Variants in CNBD1 observed in about 807,000 individuals in gnomAD.
CNBD1 encodes cyclic nucleotide-binding domain-containing protein 1.
CNBD1 carries 71 observed loss-of-function variants against 54.4 expected under a neutral mutation model. The ratio of observed to expected loss-of-function variants is 1.30; its 90% confidence interval spans 1.08 to 1.59. The LOEUF is 1.59. Among genes scored for constraint, CNBD1 ranks in the 40% most tolerant of loss-of-function variants. The probability of loss-of-function intolerance (pLI) is 0.00; values close to 1 mark genes in which losing one functional copy is unlikely to be tolerated. For synonymous variants in CNBD1, 182 were observed against 170.7 expected, an observed-to-expected ratio of 1.07 and a Z score of -0.51; for missense variants, 659 against 518.0, an observed-to-expected ratio of 1.27 and a Z score of -2.64.
intron 6 of CNBD1, among the ~76,000 whole-genome samples, chr8:87,279,541 G>T (rs1223210495): frequency 6.6e-6 from 1 of 151,290 alleles, no homozygotes; most frequent in Non-Finnish European, 1.5e-5. Flanking sequence ...AGATAAACCA[G>T]ATTATACTAA....
chr8:86,958,521 G>T (rs928242342), intron 4 of CNBD1, among the ~76,000 whole-genome samples: 4 of 152,192 alleles, frequency 2.6e-5, no homozygotes, highest in African/African-American at 9.7e-5. Context: ...CCTGTATTGG[G>T]TGCATATATA....
intron 10 of CNBD1, among the ~76,000 whole-genome samples, chr8:87,364,350 G>A (rs1038912092): frequency 6.6e-6 from 1 of 151,714 alleles, no homozygotes; most frequent in Non-Finnish European, 1.5e-5. Context: ...CTTTGTAAAT[G>A]TTTGTTTATT....
chr8:87,413,074 A>T (rs910114526), intron 2 of CNBD1, among the ~76,000 whole-genome samples: 2 of 151,952 alleles, frequency 1.3e-5, no homozygotes, highest in East Asian at 3.9e-4. Context: ...TTAGGGGCTC[A>T]CAAGGGGCTC....
At chr8:87,223,792 T>A (rs1309604101) in intron 5 of CNBD1, among the ~76,000 whole-genome samples, 1 of 152,054 alleles carries the variant, frequency 6.6e-6, no homozygotes, top group Non-Finnish European at 1.5e-5. Flanking sequence ...GTATTTCCAG[T>A]TCTAGATCCC....
At chr8:87,426,305 G>T (rs1281579708) in intron 2 of CNBD1, among the ~76,000 whole-genome samples, 1 of 152,194 alleles carries the variant, frequency 6.6e-6, no homozygotes, top group African/African-American at 2.4e-5. Context: ...GGGAGCTGTA[G>T]ACCGGAGCTG....
rs1019955902 is a variant in CNBD1, at chr8:87,163,725, T to C, written c.432-42268T>C. Reference sequence around the variant, plus strand: ...AGTTTTTTTGTTGGCGTCTTTAGGGTTTTTTTTAAATATAAGATTATGTCA... The same window carrying C: ...AGTTTTTTTGTTGGCGTCTTTAGGGCTTTTTTTAAATATAAGATTATGTCA... On this transcript the variant is annotated intron_variant, in intron 4 of 10. Transcript: ENST00000518476. This position sits in a 1 kb window ranked among gnomAD's most constrained non-coding sequence, Gnocchi z 4.5. Among the ~76,000 whole-genome samples, 2 of 151,608 alleles carry C rather than the reference T, an allele frequency of 1.3e-5. No homozygotes were observed. Among genetic ancestry groups the C allele is most frequent in the African/African-American group, 2.4e-5 (1 of 41,330 alleles).
At chr8:87,410,584 A>C (rs1425308661) in intron 2 of CNBD1, among the ~76,000 whole-genome samples, 1 of 152,174 alleles carries the variant, frequency 6.6e-6, no homozygotes. Flanking sequence ...TTGAAATCAC[A>C]ACAAAAAATT....
intron 2 of CNBD1, among the ~76,000 whole-genome samples, chr8:87,397,669 C>T (rs1368885093): frequency 5.3e-5 from 8 of 151,920 alleles, no homozygotes; most frequent in Non-Finnish European, 1.2e-4. Context: ...CAATTGTGGT[C>T]ATGGCTTTAA....
chr8:87,230,985 TAA>T (rs1240192881), intron 5 of CNBD1, among the ~76,000 whole-genome samples: 1 of 152,170 alleles, frequency 6.6e-6, no homozygotes, highest in East Asian at 1.9e-4. Flanking sequence ...GACTTGTTTT[TAA>T]AGTCTCAGGA....
chr8:87,136,503 C>T (rs144712951), intron 4 of CNBD1, among the ~76,000 whole-genome samples: 1,982 of 126,242 alleles, frequency 0.016, 61 homozygotes, highest in African/African-American at 0.056. Context: ...GATTTTTTTA[C>T]TTCCTTATTT....
chr8:87,280,794 A>G (rs1437223912), intron 6 of CNBD1, among the ~76,000 whole-genome samples: 1 of 151,610 alleles, frequency 6.6e-6, no homozygotes. Flanking sequence ...GTTATGTATT[A>G]TTATAGAAGT....
intron 4 of CNBD1, among the ~76,000 whole-genome samples, chr8:87,123,676 T>A (rs1201171099): frequency 6.6e-6 from 1 of 151,404 alleles, no homozygotes; most frequent in Non-Finnish European, 1.5e-5. Flanking sequence ...CCAGAGCAGA[T>A]CTAAATGAAA....
chr8:87,342,740 G>T (rs906347228), intron 8 of CNBD1, among the ~76,000 whole-genome samples: 1 of 152,052 alleles, frequency 6.6e-6, no homozygotes, highest in Non-Finnish European at 1.5e-5. Flanking sequence ...AGGGGAGGGG[G>T]CACACGAACA....
chr8:87,023,386 A>G (rs1389437571), intron 4 of CNBD1, among the ~76,000 whole-genome samples: 1 of 152,222 alleles, frequency 6.6e-6, no homozygotes, highest in Non-Finnish European at 1.5e-5. Flanking sequence ...GATAATTTAA[A>G]ACCTCTATTT....
chr8:87,162,241 A>G (rs1029050027), intron 4 of CNBD1, among the ~76,000 whole-genome samples: 1 of 152,132 alleles, frequency 6.6e-6, no homozygotes, highest in Admixed American at 6.6e-5. Flanking sequence ...GATATAATTA[A>G]TACTCAGAAT....
intron 8 of CNBD1, among the ~76,000 whole-genome samples, chr8:87,303,824 G>A (rs930632640): frequency 1.1e-4 from 17 of 151,808 alleles, no homozygotes; most frequent in South Asian, 1.0e-3. Context: ...ACAAGTGGGC[G>A]AAGGATATGA....
intron 6 of CNBD1, among the ~76,000 whole-genome samples, chr8:87,248,231 A>C (rs577784005): frequency 1.3e-5 from 2 of 152,308 alleles, no homozygotes; most frequent in African/African-American, 4.8e-5. Context: ...CCTCTCTAGC[A>C]ATTGTGCCTC....
intron 8 of CNBD1, among the ~76,000 whole-genome samples, chr8:87,339,408 G>A (rs144235751): frequency 1.3e-5 from 2 of 152,154 alleles, no homozygotes; most frequent in African/African-American, 4.8e-5. Context: ...TCAGCTTATG[G>A]GTTTCTGCTC....
chr8:87,381,150 A>C (rs908025082), intron 10 of CNBD1, among the ~76,000 whole-genome samples: 3 of 152,078 alleles, frequency 2.0e-5, no homozygotes, highest in African/African-American at 7.2e-5. Flanking sequence ...ATAAAGGATT[A>C]ATCTCCAAAA....
Sources: allele counts gnomAD v4.1 joint callset (sites outside exome capture counted in the v4.1 genomes callset), GRCh38; gene constraint gnomAD v4.1.1; non-coding constraint Gnocchi (gnomAD v3.1); transcripts MANE v1.5; gene names NCBI Gene and HGNC (gene_info 2026-07-23, HGNC 2026-07-21).